Variants in SEMA5A observed in about 807,000 individuals in gnomAD.
SEMA5A encodes semaphorin 5A.
Under a neutral mutation model 135.5 loss-of-function variants are expected in SEMA5A, and 55 were observed. That is an observed-to-expected ratio of 0.41 (90% CI 0.33 to 0.51). The LOEUF (loss-of-function observed/expected upper bound fraction) is 0.51, where lower values mean the gene tolerates loss of function less well. Ranked by LOEUF, SEMA5A falls within the 20% of genes least tolerant of loss-of-function variation. SEMA5A has a pLI of 0.37. For missense variants in SEMA5A, 1,290 were observed against 1,419.9 expected (o/e 0.91, Z 1.47); for synonymous variants, 580 against 546.5 (o/e 1.06, Z -0.85).
intron 16 of SEMA5A, among the ~76,000 whole-genome samples, chr5:9,099,815 G>A (rs1301658156): frequency 6.6e-6 from 1 of 152,180 alleles, no homozygotes; most frequent in African/African-American, 2.4e-5. Flanking sequence ...GGTGTCCTTA[G>A]CTCTGTCTCC....
intron 5 of SEMA5A, among the ~76,000 whole-genome samples, chr5:9,294,019 A>C (rs1199213778): frequency 6.6e-6 from 1 of 152,222 alleles, no homozygotes; most frequent in East Asian, 1.9e-4. Context: ...TAGTGGTATA[A>C]GTGAATTGAA....
At chr5:9,431,983 A>G (rs1399863340) in intron 2 of SEMA5A, among the ~76,000 whole-genome samples, 1 of 152,240 alleles carries the variant, frequency 6.6e-6, no homozygotes, top group Non-Finnish European at 1.5e-5. Context: ...CTTGGCAGAC[A>G]TTCACCTAAA....
chr5:9,365,271 A>C (rs1754866146), intron 3 of SEMA5A, among the ~76,000 whole-genome samples: 1 of 152,204 alleles, frequency 6.6e-6, no homozygotes, highest in Admixed American at 6.5e-5. Flanking sequence ...TTGGAGTGTA[A>C]AATTTCAGGG....
At chr5:9,530,862 G>A (rs461907) in intron 1 of SEMA5A, among the ~76,000 whole-genome samples, 8 of 151,852 alleles carry the variant, frequency 5.3e-5, no homozygotes, top group Non-Finnish European at 8.8e-5. Flanking sequence ...CTACAAAATC[G>A]GAGGGAGAGA....
chr5:9,089,511 T>C (rs1457839422), intron 16 of SEMA5A, among the ~76,000 whole-genome samples: 1 of 151,496 alleles, frequency 6.6e-6, no homozygotes, highest in African/African-American at 2.4e-5. Context: ...TCGCAGTACA[T>C]TTGATGACCA....
At chr5:9,532,523 G>A (rs1737511681) in intron 1 of SEMA5A, among the ~76,000 whole-genome samples, 1 of 150,244 alleles carries the variant, frequency 6.7e-6, no homozygotes, top group Non-Finnish European at 1.5e-5. Context: ...CCTGACCTCA[G>A]GTGGTCCACC....
intron 1 of SEMA5A, among the ~76,000 whole-genome samples, chr5:9,530,970 C>T (rs1737401598): frequency 6.6e-6 from 1 of 152,238 alleles, no homozygotes; most frequent in African/African-American, 2.4e-5. Context: ...ACCCTCTTCA[C>T]ATCTTGAGGC....
intron 3 of SEMA5A, among the ~76,000 whole-genome samples, chr5:9,355,914 C>A (rs1231715935): frequency 6.6e-6 from 1 of 152,204 alleles, no homozygotes; most frequent in Non-Finnish European, 1.5e-5. Flanking sequence ...TCTACAACCT[C>A]TATAGTTCAC....
At chr5:9,332,248 C>G (rs1179562502) in intron 4 of SEMA5A, among the ~76,000 whole-genome samples, 1 of 147,896 alleles carries the variant, frequency 6.8e-6, no homozygotes, top group Admixed American at 6.7e-5. Context: ...AGGTATGCAG[C>G]TATGGGCTGG....
At chr5:9,405,778 C>T (rs1756860850) in intron 2 of SEMA5A, among the ~76,000 whole-genome samples, 1 of 152,194 alleles carries the variant, frequency 6.6e-6, no homozygotes, top group Non-Finnish European at 1.5e-5. Context: ...GCTGGATTCT[C>T]TTCCATATCA....
intron 16 of SEMA5A, among the ~76,000 whole-genome samples, chr5:9,102,423 T>C (rs1420801202): frequency 6.6e-6 from 1 of 152,186 alleles, no homozygotes; most frequent in Admixed American, 6.5e-5. Flanking sequence ...AACACGAAGA[T>C]GCTGCTCACC....
At chr5:9,444,859 G>A (rs557373382) in intron 1 of SEMA5A, among the ~76,000 whole-genome samples, 15 of 152,124 alleles carry the variant, frequency 9.9e-5, no homozygotes, top group African/African-American at 2.2e-4. Context: ...TGCCCGCACC[G>A]GCCTGAATAC....
At chr5:9,418,328 C>A (rs1432288369) in intron 2 of SEMA5A, among the ~76,000 whole-genome samples, 3 of 152,176 alleles carry the variant, frequency 2.0e-5, no homozygotes, top group South Asian at 2.1e-4. Flanking sequence ...TCCACTCTTA[C>A]AACCTAATCA....
intron 16 of SEMA5A, among the ~76,000 whole-genome samples, chr5:9,090,194 C>A (rs906261673): frequency 3.3e-5 from 5 of 152,112 alleles, no homozygotes; most frequent in Admixed American, 6.5e-5. Flanking sequence ...GGTGAAGGGA[C>A]CTTCAGCAGG....
At chr5:9,128,966 C>T (rs1741259999) in intron 13 of SEMA5A, among the ~76,000 whole-genome samples, 1 of 152,190 alleles carries the variant, frequency 6.6e-6, no homozygotes, top group Non-Finnish European at 1.5e-5. Context: ...CCAGACATTG[C>T]TAAATGACCT....
At chr5:9,158,987 G>A (rs995294125) in intron 11 of SEMA5A, among the ~76,000 whole-genome samples, 30 of 152,140 alleles carry the variant, frequency 2.0e-4, no homozygotes, top group African/African-American at 7.2e-4. Flanking sequence ...TTTAGTATTA[G>A]TATGCACTAT....
intron 3 of SEMA5A, among the ~76,000 whole-genome samples, chr5:9,353,968 C>T (rs1358020924): frequency 7.1e-6 from 1 of 140,840 alleles, no homozygotes; most frequent in Non-Finnish European, 1.5e-5. Context: ...AGAAAAAGCA[C>T]GTGTTAAAAA....
At chr5:9,324,216 C>T (rs1283483035) in intron 4 of SEMA5A, among the ~76,000 whole-genome samples, 1 of 151,858 alleles carries the variant, frequency 6.6e-6, no homozygotes, top group Non-Finnish European at 1.5e-5. Flanking sequence ...CTACAGGCGC[C>T]CGCCACCACA....
At chr5:9,129,503 T>C (rs542679216) in intron 13 of SEMA5A, among the ~76,000 whole-genome samples, 42 of 152,244 alleles carry the variant, frequency 2.8e-4, no homozygotes, top group Non-Finnish European at 5.1e-4. Flanking sequence ...CCTGAGTATA[T>C]TCGTGTAAGA....
Sources: gnomAD v4.1 joint callset for allele counts (sites outside exome capture counted in the v4.1 genomes callset) on GRCh38, gnomAD v4.1.1 for gene constraint, MANE v1.5 for transcripts, NCBI Gene and HGNC (gene_info 2026-07-23, HGNC 2026-07-21) for gene names.